The following MYO5B variants were observed in gnomAD, a reference collection of about 807,000 sequenced individuals.
MYO5B encodes the protein unconventional myosin-Vb.
Under a neutral mutation model 229.3 loss-of-function variants are expected in MYO5B, and 143 were observed. The observed-to-expected ratio is 0.62, with a 90% confidence interval of 0.54 to 0.72. The LOEUF (loss-of-function observed/expected upper bound fraction) is 0.72, where lower values mean the gene tolerates loss of function less well. Ranked by LOEUF, MYO5B falls within the 30% of genes least tolerant of loss-of-function variation. The pLI is 0.00. For synonymous variants in MYO5B, 918 were observed against 885.2 expected (o/e 1.04, Z -0.66); for missense variants, 2,321 against 2,331.0 (o/e 1.00, Z 0.09).
chr18:49,942,396 A>AAAAC lies in MYO5B; in HGVS notation c.1753-5000_1753-4999insGTTT, dbSNP rs1555645744. Among the ~76,000 whole-genome samples, 1,072 of 133,980 alleles carry AAAAC rather than the reference A, an allele frequency of 8.0e-3. 14 individuals are homozygous for AAAAC. The highest frequency in any genetic ancestry group is 8.9e-3 in the African/African-American group (304 of 34,280). The allele number at this position is 133,980 out of a possible 152,430, so 87.9% of individuals were successfully genotyped here. A position where few individuals can be genotyped will look rare whatever the true frequency, so the allele number is the denominator to read the frequency against. ...TCTGCACAGCAAAAAAAAAAAAAAA[A>AAAAC]AAAAAAAAACTACCGTCAGAGTGAA... On this transcript the variant is annotated intron_variant, in intron 14 of 39. Coordinates refer to ENST00000285039, the MANE Select transcript of MYO5B (RefSeq NM_001080467.3).
chr18:49,891,238 T>C (rs748251202), intron 22 of MYO5B, among the ~76,000 whole-genome samples: 9 of 152,188 alleles, frequency 5.9e-5, no homozygotes, highest in Non-Finnish European at 8.8e-5. Context: ...CAAATCGCCT[T>C]GGCTTATCTT....
intron 7 of MYO5B, among the ~76,000 whole-genome samples, chr18:49,985,587 C>G (rs1222047832): frequency 6.6e-6 from 1 of 152,120 alleles, no homozygotes; most frequent in Non-Finnish European, 1.5e-5. Flanking sequence ...TGCATGTAAT[C>G]GAAGTTACCC....
rs370424040 is a variant in MYO5B, at chr18:49,835,362, G to A, written c.5376C>T (p.Ala1792=). ...AACTCACCTGGATTGTTCGTATAAA[G>A]GCCACTGTTACCCGTTCTTCAAATT... is the stretch of plus-strand genomic sequence containing the variant. ...LNEFEERVTV[A]FIRTIQAQLQ... The change falls in exon 39 of 40, where the codon GCC becomes GCT. Residue 1792 remains alanine, a synonymous_variant. Coordinates refer to ENST00000285039, the MANE Select transcript of MYO5B (RefSeq NM_001080467.3). 52 of 1,610,308 alleles carry A rather than the reference G, an allele frequency of 3.2e-5. No individual in the cohort carries two copies. Among genetic ancestry groups the A allele is most frequent in the Non-Finnish European group, 4.2e-5 (49 of 1,178,230 alleles).
At chr18:50,187,028 C>G (rs775831756) in intron 1 of MYO5B, among the ~76,000 whole-genome samples, 31 of 152,306 alleles carry the variant, frequency 2.0e-4, no homozygotes, top group Middle Eastern at 3.4e-3. Context: ...TAAGCTCTTT[C>G]GTAAATCTCC....
At chr18:49,957,912 A>G (rs1384816927) in intron 12 of MYO5B, among the ~76,000 whole-genome samples, 1 of 151,932 alleles carries the variant, frequency 6.6e-6, no homozygotes, top group Admixed American at 6.6e-5. Flanking sequence ...CCTCTTTGCC[A>G]TCACAGAAGC....
rs2144005937 is a variant in MYO5B at position 49,823,927 on chromosome 18, A to G, written c.*2544T>C. The stretch of plus-strand genomic sequence containing the variant: ...TTTTAAAAGACAAAACTCCCCCATG[A>G]TATCACCTTGAACATTAAAATTATT... On this transcript the variant is annotated 3_prime_UTR_variant, in exon 40 of 40. Transcript: ENST00000285039. 6.5e-6 allele frequency: 1 copy of G among 152,776 alleles called. No homozygotes were observed. The highest frequency in any genetic ancestry group is 1.9e-4 in the East Asian group (1 of 5,190). The allele number at this position is 152,776 out of a possible 1,614,324, so 9.5% of individuals were successfully genotyped here.
Position 49,990,540 on chromosome 18 carries a change from A to C in MYO5B, c.757-20T>G. On this transcript the variant is annotated intron_variant, in intron 6 of 39. Coordinates refer to ENST00000285039, the MANE Select transcript of MYO5B (RefSeq NM_001080467.3). ...ATCTGCCTGGAGGAGGAAGAAGTGA[A>C]GCAGTTTTAGGGCAGTGACCTCTAA... The C allele has an allele frequency of 6.2e-7, 1 of 1,604,986 alleles. No individual in the cohort carries two copies. Among genetic ancestry groups the C allele is most frequent in the Middle Eastern group, 1.7e-4 (1 of 6,028 alleles).
chr18:49,861,386 G>A (rs1250719851), intron 29 of MYO5B, among the ~76,000 whole-genome samples: 14 of 152,168 alleles, frequency 9.2e-5, no homozygotes, highest in African/African-American at 3.4e-4. Context: ...AGATCGGGGA[G>A]ATACGCACAC....
chr18:49,841,349 C>G lies in MYO5B; in HGVS notation c.4701+16G>C. The G allele has an allele frequency of 2.5e-6, 4 of 1,612,354 alleles. No individual in the cohort carries two copies. Among genetic ancestry groups the G allele is most frequent in the Non-Finnish European group, 3.4e-6 (4 of 1,178,370 alleles). On this transcript the variant is annotated intron_variant, in intron 35 of 39. Coordinates refer to ENST00000285039, the MANE Select transcript of MYO5B (RefSeq NM_001080467.3). ...TGAAGCAGGAATGCCTCCTGGGTGC[C>G]TGGCTCCCCACTCACCTCATCCCCG...
At chr18:49,910,685 G>A (rs1482680481) in intron 18 of MYO5B, among the ~76,000 whole-genome samples, 1 of 152,134 alleles carries the variant, frequency 6.6e-6, no homozygotes, top group Non-Finnish European at 1.5e-5. Flanking sequence ...TCTATAGCTA[G>A]ACTTGAGCAG....
At chr18:50,016,759 C>T (rs1157517097) in intron 4 of MYO5B, among the ~76,000 whole-genome samples, 1 of 152,080 alleles carries the variant, frequency 6.6e-6, no homozygotes, top group African/African-American at 2.4e-5. Flanking sequence ...TTTTCATCAC[C>T]CCCAAGAGAA....
At chr18:49,974,779 T>A (rs1018448455) in intron 9 of MYO5B, among the ~76,000 whole-genome samples, 164 bp from the exon 10 acceptor site, 29 of 117,120 alleles carry the variant, frequency 2.5e-4, no homozygotes, top group Admixed American at 1.1e-3. Context: ...GCAGTCTCTC[T>A]CACACACACA....
At chr18:50,009,161 T>C (rs2026135330) in intron 4 of MYO5B, among the ~76,000 whole-genome samples, 1 of 152,138 alleles carries the variant, frequency 6.6e-6, no homozygotes, top group Admixed American at 6.5e-5. Flanking sequence ...GTGGATCACT[T>C]GAGGTCAGGA....
In MYO5B at chr18:49,839,197, T is replaced by C. The variant is rs1251000227; in HGVS notation, c.4799A>G (p.Gln1600Arg). 5 of 1,614,226 alleles carry C rather than the reference T, an allele frequency of 3.1e-6. No homozygotes were observed. The highest frequency in any genetic ancestry group is 4.2e-6 in the Non-Finnish European group (5 of 1,180,048). The change falls in exon 36 of 40, where the codon CAG (glutamine) becomes CGG (arginine). Residue 1600 changes from glutamine (Q) to arginine (R), a missense_variant. Around this residue, in one of 2 missense-constraint regions of MYO5B, gnomAD observed 2,113 missense variants for 2,044.7 expected, o/e 1.03. Transcript: ENST00000285039. The stretch of plus-strand genomic sequence containing the variant: ...AATTTTAATGAGCTGCTGGTAGATC[T>C]GAATGGAAAGGTCACTCAGCACCTG... ...YRQVLSDLSI[Q>R]IYQQLIKIAE...
rs1568028274 is a variant in MYO5B, at chr18:49,912,093, A to G, written c.2171T>C (p.Ile724Thr). 2 of 1,614,092 alleles carry G rather than the reference A, an allele frequency of 1.2e-6. No homozygotes were observed. Among genetic ancestry groups the G allele is most frequent in the Middle Eastern group, 1.7e-4 (1 of 6,058 alleles). The stretch of plus-strand genomic sequence containing the variant: ...GAGGTTCTCCAGGACAGACCTGCAG[A>G]TGGCCTTTTTGTCTGTGTTGGCGAG... ...RELANTDKKA[I>T]CRSVLENLIK... Residue 724 changes from isoleucine (I) to threonine (T), a missense_variant, in exon 18 of 40, where the codon ATC becomes ACC. Ile to Thr is a moderately conservative substitution (Grantham distance 89). Transcript: ENST00000285039.
intron 4 of MYO5B, among the ~76,000 whole-genome samples, chr18:50,004,492 C>A (rs1203502682): frequency 1.3e-5 from 2 of 152,214 alleles, no homozygotes; most frequent in African/African-American, 4.8e-5. Context: ...GATAAATTCA[C>A]TTCTTAGACC....
chr18:49,958,113 C>A (rs182323776), intron 12 of MYO5B, among the ~76,000 whole-genome samples: 40 of 152,326 alleles, frequency 2.6e-4, no homozygotes, highest in Non-Finnish European at 1.5e-5. Context: ...CTCTCCTTAC[C>A]CATACCTGGG....
intron 1 of MYO5B, among the ~76,000 whole-genome samples, chr18:50,174,481 T>A (rs190411431): frequency 5.3e-5 from 8 of 152,332 alleles, no homozygotes; most frequent in African/African-American, 1.7e-4. Context: ...TTGAGTATGT[T>A]GCTGAACAGC....
At chr18:50,085,198 G>A (rs1263875269) in intron 1 of MYO5B, among the ~76,000 whole-genome samples, 1 of 152,078 alleles carries the variant, frequency 6.6e-6, no homozygotes, top group Non-Finnish European at 1.5e-5. Context: ...AATCTACAAT[G>A]AACTCTAACA....
Sources: gnomAD v4.1 joint callset for allele counts (sites outside exome capture counted in the v4.1 genomes callset) on GRCh38, gnomAD v4.1.1 for gene constraint, gnomAD v4.1.1 regional missense constraint, MANE v1.5 for transcripts, NCBI Gene and HGNC (gene_info 2026-07-23, HGNC 2026-07-21) for gene names.